Variants in APP observed in about 807,000 individuals in gnomAD.
The protein encoded by APP is amyloid-beta precursor protein.
In APP, 31 loss-of-function variants were observed where a neutral mutation model predicts 101.4. That is an observed-to-expected ratio of 0.31 (90% CI 0.23 to 0.41). APP has a LOEUF of 0.41. Among genes scored for constraint, APP ranks in the 10% least tolerant of loss-of-function variants. The pLI, the probability that APP is intolerant of heterozygous loss-of-function variation, is 1.00. For missense variants in APP, 839 were observed against 1,003.7 expected (o/e 0.84, Z 2.22); for synonymous variants, 366 against 364.4 (o/e 1.00, Z -0.05).
intron 1 of APP, among the ~76,000 whole-genome samples, chr21:26,153,997 C>T (rs1273731429): frequency 3.3e-5 from 5 of 152,134 alleles, no homozygotes; most frequent in Admixed American, 3.3e-4. Flanking sequence ...AATGAGTTTA[C>T]AACAAAAGAA....
chr21:25,975,973 T>A lies in APP; in HGVS notation c.1280A>T (p.Asp427Val), dbSNP rs1358953437. 6.2e-7 allele frequency: 1 copy of A among 1,613,992 alleles called. No individual in the cohort carries two copies. Among genetic ancestry groups the A allele is most frequent in the South Asian group, 1.1e-5 (1 of 91,084 alleles). The change falls in exon 10 of 18, where the codon GAT becomes GTT. Residue 427 changes from aspartate (D) to valine (V), a missense_variant. Physicochemically the swap from Asp to Val is radical, Grantham distance 152 (BLOSUM62 -3). Transcript: ENST00000346798. ...ERQAKNLPKA[D>V]KKAVIQHFQE... ...TTTTACCTGGATAACTGCCTTCTTATCAGCTTTAGGCAAGTTCTTTGCTTG... is the reference window on the plus strand; with the variant it reads ...TTTTACCTGGATAACTGCCTTCTTAACAGCTTTAGGCAAGTTCTTTGCTTG...
At chr21:26,040,621 A>AAT (rs1555854092) in intron 5 of APP, among the ~76,000 whole-genome samples, 2,769 of 150,356 alleles carry the variant, frequency 0.018, 83 homozygotes, top group African/African-American at 0.065. Flanking sequence ...AAAAAAAAAA[A>AAT]AGCTGAGTGT....
intron 1 of APP, chr21:26,140,231 AT>A: frequency 6.5e-7 from 1 of 1,536,116 alleles, no homozygotes; most frequent in Non-Finnish European, 8.7e-7. Flanking sequence ...ATCATTGTCA[AT>A]TACATCAGCA....
intron 17 of APP, among the ~76,000 whole-genome samples, chr21:25,882,154 T>C (rs888538105): frequency 1.3e-5 from 2 of 151,840 alleles, no homozygotes; most frequent in African/African-American, 2.4e-5. Flanking sequence ...TTTGGTAAAA[T>C]AGATAAAACC....
intron 11 of APP, among the ~76,000 whole-genome samples, chr21:25,964,554 G>C (rs2041711297): frequency 6.6e-6 from 1 of 151,414 alleles, no homozygotes; most frequent in Non-Finnish European, 1.5e-5. Context: ...ATAAAAGGTA[G>C]AAAATAGGAG....
chr21:25,906,645 A>C (rs1473998877), intron 14 of APP, among the ~76,000 whole-genome samples: 1 of 152,174 alleles, frequency 6.6e-6, no homozygotes, highest in Non-Finnish European at 1.5e-5. Flanking sequence ...TTCGACAATG[A>C]GGTTTGGTTT....
In APP at chr21:25,982,009, A is replaced by T. The variant is rs45462092; in HGVS notation, c.1224+335T>A. ...CAAAACCTCATCTTTACTAAAGAGC[A>T]TTTTGATGGATTTTAATTTACAACA... On this transcript the variant is annotated intron_variant, in intron 9 of 17. Transcript: ENST00000346798. Among the ~76,000 whole-genome samples the T allele has an allele frequency of 7.6e-3, 1,163 of 152,320 alleles. 16 individuals are homozygous for T. Among genetic ancestry groups the T allele is most frequent in the African/African-American group, 0.026 (1,098 of 41,552 alleles).
intron 11 of APP, among the ~76,000 whole-genome samples, chr21:25,974,715 A>T (rs1006601268): frequency 6.6e-6 from 1 of 152,118 alleles, no homozygotes; most frequent in African/African-American, 2.4e-5. Context: ...CAGCAGCCTG[A>T]AGGGACTGGA....
chr21:25,983,248 T>C (rs1476988212), intron 8 of APP, among the ~76,000 whole-genome samples: 1 of 152,176 alleles, frequency 6.6e-6, no homozygotes, highest in Non-Finnish European at 1.5e-5. Context: ...TCCAAAAGAT[T>C]AGTGAGAATT....
At chr21:25,948,894 TAATA>T (rs1441131495) in intron 13 of APP, among the ~76,000 whole-genome samples, 12 of 152,184 alleles carry the variant, frequency 7.9e-5, no homozygotes, top group Non-Finnish European at 1.3e-4. Flanking sequence ...TTTGAAGGAT[TAATA>T]AATAATTAAA....
intron 1 of APP, among the ~76,000 whole-genome samples, chr21:26,154,324 C>A (rs996218509): frequency 6.6e-6 from 1 of 152,138 alleles, no homozygotes; most frequent in Non-Finnish European, 1.5e-5. Flanking sequence ...CCATCTCTCC[C>A]CTTCCTTTTA....
chr21:25,958,488 AG>A, intron 11 of APP, among the ~76,000 whole-genome samples: 1 of 152,170 alleles, frequency 6.6e-6, no homozygotes, highest in Non-Finnish European at 1.5e-5. Flanking sequence ...CATGTTAGCC[AG>A]GATGGTCTCC....
chr21:25,957,697 G>GA (rs941724747), intron 11 of APP, among the ~76,000 whole-genome samples: 44 of 142,174 alleles, frequency 3.1e-4, no homozygotes, highest in Middle Eastern at 3.6e-3. Flanking sequence ...GTTTAAATAA[G>GA]AAAAAAAAAA....
intron 13 of APP, among the ~76,000 whole-genome samples, chr21:25,935,524 G>C (rs1213127795): frequency 6.6e-6 from 1 of 152,034 alleles, no homozygotes; most frequent in Non-Finnish European, 1.5e-5. Flanking sequence ...TGCTTTAACA[G>C]TGTGGATACA....
chr21:25,958,561 G>C (rs2409161), intron 11 of APP, among the ~76,000 whole-genome samples: 151,683 of 152,360 alleles, frequency 1, 75,505 homozygotes, highest in East Asian at 1. Flanking sequence ...ACAGGCGTGC[G>C]ACCAGTGCAC....
chr21:26,076,676 A>G (rs1437776434), intron 3 of APP, among the ~76,000 whole-genome samples: 2 of 152,230 alleles, frequency 1.3e-5, no homozygotes, highest in African/African-American at 4.8e-5. Context: ...TATAGCATAC[A>G]ACAAACTCAG....
chr21:26,164,979 T>C (rs2063576265), intron 1 of APP, among the ~76,000 whole-genome samples: 1 of 152,200 alleles, frequency 6.6e-6, no homozygotes, highest in South Asian at 2.1e-4. Flanking sequence ...GTTTTAAATT[T>C]TTCAATGAGC....
At chr21:25,999,210 T>C (rs2043174228) in intron 7 of APP, among the ~76,000 whole-genome samples, 1 of 152,104 alleles carries the variant, frequency 6.6e-6, no homozygotes. Context: ...GAGAATCACT[T>C]GAACCCGGGA....
At chr21:25,931,946 A>G (rs1010262693) in intron 13 of APP, among the ~76,000 whole-genome samples, 3 of 152,170 alleles carry the variant, frequency 2.0e-5, no homozygotes, top group Non-Finnish European at 4.4e-5. Flanking sequence ...AGGCGCTTTG[A>G]AAAAAACATC....
Sources: gnomAD v4.1 joint callset for allele counts (sites outside exome capture counted in the v4.1 genomes callset) on GRCh38, gnomAD v4.1.1 for gene constraint, MANE v1.5 for transcripts, NCBI Gene and HGNC (gene_info 2026-07-23, HGNC 2026-07-21) for gene names.